Variants in STK10 observed in about 807,000 individuals in gnomAD.
STK10 encodes serine/threonine-protein kinase 10.
In STK10, 78 loss-of-function variants were observed where a neutral mutation model predicts 113.8. That is an observed-to-expected ratio of 0.69 (90% CI 0.57 to 0.83). STK10 has a LOEUF of 0.83. Among genes scored for constraint, STK10 ranks in the 40% least tolerant of loss-of-function variants. STK10 has a pLI of 0.00. For synonymous variants in STK10, 465 were observed against 494.7 expected, an observed-to-expected ratio of 0.94 and a Z score of 0.80; for missense variants, 1,109 against 1,280.1, an observed-to-expected ratio of 0.87 and a Z score of 2.04.
intron 1 of STK10, among the ~76,000 whole-genome samples, chr5:172,162,243 G>A (rs113214572): frequency 0.18 from 26,800 of 151,846 alleles, 2,448 homozygotes; most frequent in East Asian, 0.26. Context: ...CGGGAGGCTG[G>A]GGCAGGAGAA....
chr5:172,184,513 G>T (rs1012800043), intron 1 of STK10, among the ~76,000 whole-genome samples: 2 of 152,158 alleles, frequency 1.3e-5, no homozygotes, highest in South Asian at 4.1e-4. Flanking sequence ...GTAATAGATT[G>T]TTCAGGTCTA....
At chr5:172,182,405 G>A (rs1351338159) in intron 1 of STK10, among the ~76,000 whole-genome samples, 4 of 151,822 alleles carry the variant, frequency 2.6e-5, no homozygotes, top group African/African-American at 9.7e-5. Context: ...CAGGGTCTCA[G>A]GGTCTCATTC....
At chr5:172,151,153 A>G (rs563957277) in intron 2 of STK10, among the ~76,000 whole-genome samples, 37 of 152,322 alleles carry the variant, frequency 2.4e-4, no homozygotes, top group African/African-American at 8.9e-4. Context: ...GACCTTTTCT[A>G]TTTGTAAACA....
At chr5:172,070,923 TAAG>T (rs1768162976) in intron 12 of STK10, among the ~76,000 whole-genome samples, 1 of 151,934 alleles carries the variant, frequency 6.6e-6, no homozygotes, top group Non-Finnish European at 1.5e-5. Flanking sequence ...AAAGTTTACT[TAAG>T]AAGAAACAGG....
chr5:172,186,186 A>G (rs1214765534), intron 1 of STK10, among the ~76,000 whole-genome samples: 2 of 152,130 alleles, frequency 1.3e-5, no homozygotes, highest in Non-Finnish European at 2.9e-5. Flanking sequence ...AGGTAGGAGA[A>G]TTGCTTGAAC....
chr5:172,079,095 C>T (rs73319892), intron 12 of STK10, among the ~76,000 whole-genome samples: 6,515 of 152,224 alleles, frequency 0.043, 502 homozygotes, highest in African/African-American at 0.15. Context: ...AATGCTAAAA[C>T]ATCTATGTAA....
intron 10 of STK10, among the ~76,000 whole-genome samples, chr5:172,088,702 C>T (rs1768624953): frequency 6.6e-6 from 1 of 152,146 alleles, no homozygotes; most frequent in Admixed American, 6.5e-5. Flanking sequence ...CAACCCCTGC[C>T]AGCTACATGG....
chr5:172,087,107 A>AGTGTGTGTGTGTGT (rs201052929), intron 10 of STK10, among the ~76,000 whole-genome samples: 2,990 of 128,912 alleles, frequency 0.023, 60 homozygotes, highest in Non-Finnish European at 0.028. Context: ...AGATGACACC[A>AGTGTGTGTGTGTGT]GTGTGTGTGT....
intron 12 of STK10, among the ~76,000 whole-genome samples, chr5:172,067,636 A>T (rs1768096853): frequency 6.6e-6 from 1 of 151,990 alleles, no homozygotes. Context: ...CAGCCCAGAA[A>T]AACTATTTTT....
In STK10 at chr5:172,144,893, A is replaced by G. The variant is rs561221429; in HGVS notation, c.321+11731T>C. Among the ~76,000 whole-genome samples, 4 of 152,134 alleles carry G rather than the reference A, an allele frequency of 2.6e-5. No homozygotes were observed. In the South Asian group the frequency reaches 6.2e-4, roughly 24 times the overall value. On this transcript the variant is annotated intron_variant, in intron 2 of 18. Transcript: ENST00000176763. ...GATGAGGAGACTCAGGTGGTTGCAC[A>G]CCTAACTACGCGTGCCCAAGTCCCA...
intron 7 of STK10, among the ~76,000 whole-genome samples, chr5:172,101,721 T>C (rs2113757762): frequency 6.6e-6 from 1 of 151,980 alleles, no homozygotes; most frequent in East Asian, 1.9e-4. Flanking sequence ...GTGTAGTGGG[T>C]TTGCAATTTC....
Position 172,061,131 on chromosome 5 carries a change from A to G in STK10, c.2212+8T>C. On this transcript the variant is annotated splice_region_variant and intron_variant, in intron 14 of 18. Transcript: ENST00000176763. ...GCCAAGACAGCGCTGCCACTTGCAC[A>G]CCCCCACCTCGAAGGAGCTCCTGCT... 6.2e-7 allele frequency: 1 copy of G among 1,602,054 alleles called. No individual in the cohort carries two copies. The highest frequency in any genetic ancestry group is 1.7e-5 in the Admixed American group (1 of 57,412).
intron 3 of STK10, among the ~76,000 whole-genome samples, chr5:172,126,362 C>T (rs1186874954): frequency 2.6e-5 from 4 of 152,246 alleles, no homozygotes; most frequent in East Asian, 1.9e-4. Flanking sequence ...GTCAGGAGTT[C>T]GAGACCAGCC....
Position 172,106,906 on chromosome 5 carries a change from G to T in STK10, c.594-92C>A, listed in dbSNP as rs567298693. ...GGGTCAAGGGCCACCACGAGCCACT[G>T]TCGGGGTTGGCAGCACTCCCGAATC... is the stretch of plus-strand genomic sequence containing the variant. On this transcript the variant is annotated intron_variant, in intron 5 of 18. Coordinates refer to ENST00000176763, the MANE Select transcript of STK10 (RefSeq NM_005990.4). 6.4e-5 allele frequency: 86 copies of T among 1,346,848 alleles called. 2 individuals carry two copies. In the South Asian group the frequency reaches 1.1e-3, roughly 18 times the overall value. The allele number at this position is 1,346,848 out of a possible 1,614,324, so 83.4% of individuals were successfully genotyped here. A position where few individuals can be genotyped will look rare whatever the true frequency, so the allele number is the denominator to read the frequency against.
intron 1 of STK10, among the ~76,000 whole-genome samples, chr5:172,166,372 T>C (rs1770571911): frequency 6.6e-6 from 1 of 152,196 alleles, no homozygotes; most frequent in Non-Finnish European, 1.5e-5. Context: ...ATTCCTGCCA[T>C]TGGCCACCAA....
Position 172,082,265 on chromosome 5 carries a change from T to G in STK10, c.1989+61A>C, listed in dbSNP as rs895784534. On this transcript the variant is annotated intron_variant, in intron 12 of 18. Transcript: ENST00000176763. The surrounding 1 kb of genome is among the most constrained non-coding windows in gnomAD (Gnocchi z 4.3). ...AGGTGAGGTTGAGGCCACGATCACTTGCAACCAAGAAGGCCCCTAATACTC... is the reference window on the plus strand; with the variant it reads ...AGGTGAGGTTGAGGCCACGATCACTGGCAACCAAGAAGGCCCCTAATACTC... The G allele has an allele frequency of 7.0e-7, 1 of 1,435,448 alleles. No homozygotes were observed. The highest frequency in any genetic ancestry group is 9.2e-7 in the Non-Finnish European group (1 of 1,090,844). 88.9% of individuals were successfully genotyped at this position (1,435,448 alleles called of 1,614,324 possible).
Position 172,106,727 on chromosome 5 carries a change from C to T in STK10, c.681G>A (p.Leu227=). The change falls in exon 6 of 19, where the codon CTG becomes CTA. Residue 227 remains leucine (L), a synonymous_variant. Coordinates refer to ENST00000176763, the MANE Select transcript of STK10 (RefSeq NM_005990.4). ...KADIWSLGIT[L]IEMAQIEPPH... is the part of the protein sequence containing the mutation. ...GCGGCTCGATCTGGGCCATCTCAAT[C>T]AGCGTGATGCCCAGGGACCAGATGT... 6.2e-7 allele frequency: 1 copy of T among 1,614,158 alleles called. No homozygotes were observed. Among genetic ancestry groups the T allele is most frequent in the Non-Finnish European group, 8.5e-7 (1 of 1,180,034 alleles).
intron 7 of STK10, among the ~76,000 whole-genome samples, chr5:172,100,584 C>G (rs898210651): frequency 6.6e-6 from 1 of 151,978 alleles, no homozygotes. Context: ...GTCAGGAGTT[C>G]GAGACCACCC....
chr5:172,147,082 C>T (rs1398905709), intron 2 of STK10, among the ~76,000 whole-genome samples: 1 of 152,162 alleles, frequency 6.6e-6, no homozygotes, highest in Non-Finnish European at 1.5e-5. Context: ...AACTGGCTCA[C>T]AGAACTCATG....
Sources: gnomAD v4.1 joint callset for allele counts (sites outside exome capture counted in the v4.1 genomes callset) on GRCh38, gnomAD v4.1.1 for gene constraint, Gnocchi (gnomAD v3.1) non-coding constraint, MANE v1.5 for transcripts, NCBI Gene and HGNC (gene_info 2026-07-23, HGNC 2026-07-21) for gene names.